RLN2: variants seen among roughly 807,000 people sequenced by gnomAD.
RLN2 encodes the protein prorelaxin H2.
RLN2 carries 10 observed loss-of-function variants against 7.3 expected under a neutral mutation model. That is an observed-to-expected ratio of 1.36 (90% confidence interval 0.84 to 2.31). The LOEUF (loss-of-function observed/expected upper bound fraction) is 2.31, where lower values mean the gene tolerates loss of function less well. RLN2 is among the 30% of genes most tolerant of loss of function. RLN2 has a pLI of 0.00. For synonymous variants in RLN2, 103 were observed against 82.3 expected (o/e 1.25, Z -1.36); for missense variants, 298 against 217.6 (o/e 1.37, Z -2.32).
At chr9:5,337,619 A>G in the RLN2 span, among the ~76,000 whole-genome samples, 7 of 152,160 alleles carry the variant, frequency 4.6e-5, no homozygotes, top group South Asian at 4.1e-4. Flanking sequence ...ACCTAACAGT[A>G]TAAGTCTGAA....
chr9:5,311,828 CTT>C, the RLN2 span: 3 of 514,012 alleles, frequency 5.8e-6, no homozygotes, highest in African/African-American at 4.1e-5. Context: ...TATTTTTTTT[CTT>C]TTTTTTTTAT....
At chr9:5,332,909 G>A in the RLN2 span, among the ~76,000 whole-genome samples, 34 of 151,810 alleles carry the variant, frequency 2.2e-4, no homozygotes, top group Admixed American at 1.3e-4. Flanking sequence ...GAGCCACCGC[G>A]CCCGGCCATG....
intron 1 of RLN2, among the ~76,000 whole-genome samples, chr9:5,300,968 C>A (rs1816114188): frequency 6.6e-6 from 1 of 152,216 alleles, no homozygotes; most frequent in South Asian, 2.1e-4. Flanking sequence ...TCCAACACCT[C>A]TGATCTAATC....
the RLN2 span, among the ~76,000 whole-genome samples, chr9:5,330,884 A>T: frequency 9.2e-5 from 14 of 151,816 alleles, no homozygotes. Context: ...GAGAAGAATC[A>T]AAGAGATGCA....
chr9:5,323,372 T>G, the RLN2 span, among the ~76,000 whole-genome samples: 1 of 152,144 alleles, frequency 6.6e-6, no homozygotes, highest in South Asian at 2.1e-4. Context: ...TTCCCTCTCC[T>G]ACAGTAGTTT....
At chr9:5,328,249 G>C in the RLN2 span, among the ~76,000 whole-genome samples, 10 of 152,030 alleles carry the variant, frequency 6.6e-5, no homozygotes, top group Admixed American at 5.9e-4. Context: ...CATGCCATGA[G>C]AACTTCGTGA....
the RLN2 span, chr9:5,335,043 A>G: frequency 4.4e-6 from 2 of 458,668 alleles, no homozygotes; most frequent in Non-Finnish European, 7.6e-6. Flanking sequence ...CTGTTAATAA[A>G]AAGACAAAAA....
At chr9:5,317,305 G>T in the RLN2 span, among the ~76,000 whole-genome samples, 7 of 151,668 alleles carry the variant, frequency 4.6e-5, no homozygotes, top group African/African-American at 1.7e-4. Flanking sequence ...TCAACTACGT[G>T]CAGCTTACAC....
the RLN2 span, among the ~76,000 whole-genome samples, chr9:5,322,506 A>T: frequency 6.6e-6 from 1 of 152,114 alleles, no homozygotes; most frequent in Admixed American, 6.5e-5. Context: ...AGGAAAACAG[A>T]GAAGCAAGCT....
At chr9:5,329,481 G>C in the RLN2 span, among the ~76,000 whole-genome samples, 1 of 151,344 alleles carries the variant, frequency 6.6e-6, no homozygotes, top group Admixed American at 6.6e-5. Context: ...AAAGAGTCAA[G>C]ACCCCTTGGT....
the RLN2 span, chr9:5,311,408 C>T: frequency 1.9e-6 from 1 of 515,524 alleles, no homozygotes; most frequent in Non-Finnish European, 3.5e-6. Context: ...ATTCTTAATA[C>T]AAGAATACAA....
the RLN2 span, among the ~76,000 whole-genome samples, chr9:5,334,159 G>T: frequency 6.6e-6 from 1 of 152,024 alleles, no homozygotes; most frequent in East Asian, 1.9e-4. Context: ...AGTGTTGGAA[G>T]TTCTAGCCAG....
At chr9:5,318,007 C>CGTGTGTGTGTGTGT in the RLN2 span, among the ~76,000 whole-genome samples, 36,139 of 147,864 alleles carry the variant, frequency 0.24, 4,551 homozygotes, top group Non-Finnish European at 0.28. Context: ...TGTGTGTGTG[C>CGTGTGTGTGTGTGT]GTGTGTGTGT....
At chr9:5,330,015 A>T in the RLN2 span, among the ~76,000 whole-genome samples, 12 of 151,988 alleles carry the variant, frequency 7.9e-5, no homozygotes, top group South Asian at 8.3e-4. Context: ...TTGTAGTAAA[A>T]CACTCCTCAG....
At chr9:5,310,033 G>T in the RLN2 span, among the ~76,000 whole-genome samples, 1 of 151,980 alleles carries the variant, frequency 6.6e-6, no homozygotes, top group Non-Finnish European at 1.5e-5. Flanking sequence ...TCTTTGAGGA[G>T]GGGGAGTGGA....
At chr9:5,318,867 C>T in the RLN2 span, among the ~76,000 whole-genome samples, 1 of 151,824 alleles carries the variant, frequency 6.6e-6, no homozygotes, top group African/African-American at 2.4e-5. Flanking sequence ...TGGGTTGATT[C>T]CAAAGAGAAT....
At chr9:5,336,304 G>C in the RLN2 span, among the ~76,000 whole-genome samples, 1 of 152,074 alleles carries the variant, frequency 6.6e-6, no homozygotes, top group Admixed American at 6.6e-5. Flanking sequence ...GTGCTGTGGT[G>C]TAAGTGTACT....
chr9:5,318,198 T>G, the RLN2 span, among the ~76,000 whole-genome samples: 2 of 152,016 alleles, frequency 1.3e-5, no homozygotes, highest in African/African-American at 4.8e-5. Flanking sequence ...TAAAAATTAT[T>G]TGCAACATTA....
the RLN2 span, among the ~76,000 whole-genome samples, chr9:5,331,436 G>C: frequency 2.6e-5 from 4 of 151,986 alleles, no homozygotes; most frequent in African/African-American, 9.7e-5. Flanking sequence ...ATCAATGATA[G>C]ACTGGATTAA....
Sources: allele counts gnomAD v4.1 joint callset (sites outside exome capture counted in the v4.1 genomes callset), GRCh38; gene constraint gnomAD v4.1.1; transcripts MANE v1.5; gene names NCBI Gene and HGNC (gene_info 2026-07-23, HGNC 2026-07-21).